The following PTTG1IP2 variants were observed in gnomAD, a reference collection of about 807,000 sequenced individuals.
PTTG1IP2 encodes the protein PTTG1IP family member 2.
At chr7:90,502,275 G>A (rs1288017285) in intron 6 of PTTG1IP2, among the ~76,000 whole-genome samples, 1 of 152,172 alleles carries the variant, frequency 6.6e-6, no homozygotes, top group African/African-American at 2.4e-5. Flanking sequence ...AGCTTCCCAA[G>A]TAGCTGGGAT....
chr7:90,470,963 CAA>C (rs5885726), intron 1 of PTTG1IP2, among the ~76,000 whole-genome samples: 3,361 of 108,088 alleles, frequency 0.031, 114 homozygotes, highest in East Asian at 0.16. Context: ...TGATGAAGAA[CAA>C]AAAAAAAAAA....
chr7:90,485,674 C>G (rs1224900749), intron 2 of PTTG1IP2, among the ~76,000 whole-genome samples: 1 of 152,098 alleles, frequency 6.6e-6, no homozygotes, highest in Non-Finnish European at 1.5e-5. Flanking sequence ...TCTCTGAGCC[C>G]CAACCAGAGA....
At chr7:90,512,228 C>T (rs1798198429) in intron 6 of PTTG1IP2, among the ~76,000 whole-genome samples, 1 of 152,162 alleles carries the variant, frequency 6.6e-6, no homozygotes, top group Non-Finnish European at 1.5e-5. Context: ...GCGATGCTCT[C>T]TGCCCTTGTG....
chr7:90,477,397 C>T (rs1005778571), intron 1 of PTTG1IP2, among the ~76,000 whole-genome samples: 1 of 152,150 alleles, frequency 6.6e-6, no homozygotes, highest in Non-Finnish European at 1.5e-5. Context: ...TACAAATGCT[C>T]AATCTAAACC....
chr7:90,486,116 G>A (rs937478000), intron 2 of PTTG1IP2, among the ~76,000 whole-genome samples: 2 of 152,278 alleles, frequency 1.3e-5, no homozygotes, highest in East Asian at 1.9e-4. Flanking sequence ...CTAAGGGGTG[G>A]TTCTTTACAT....
intron 6 of PTTG1IP2, among the ~76,000 whole-genome samples, chr7:90,499,059 C>A (rs753347038): frequency 6.6e-6 from 1 of 152,060 alleles, no homozygotes; most frequent in East Asian, 1.9e-4. Flanking sequence ...ACTATATTGC[C>A]CAGGCTGGTC....
chr7:90,509,471 A>G (rs1798160846), intron 6 of PTTG1IP2, among the ~76,000 whole-genome samples: 1 of 151,724 alleles, frequency 6.6e-6, no homozygotes, highest in Non-Finnish European at 1.5e-5. Context: ...CTGTTAATAT[A>G]AAGGAGGAAA....
At chr7:90,501,187 T>C (rs2116111104) in intron 6 of PTTG1IP2, among the ~76,000 whole-genome samples, 1 of 152,280 alleles carries the variant, frequency 6.6e-6, no homozygotes, top group East Asian at 1.9e-4. Context: ...GTAAACATAA[T>C]ATTTACTAGA....
chr7:90,504,831 A>G (rs959061402), intron 6 of PTTG1IP2, among the ~76,000 whole-genome samples: 10 of 152,256 alleles, frequency 6.6e-5, no homozygotes, highest in African/African-American at 1.9e-4. Flanking sequence ...TTATGTGTGC[A>G]CAACAGTCTT....
At chr7:90,489,266 C>A (rs1415456205) in intron 4 of PTTG1IP2, among the ~76,000 whole-genome samples, 2 of 151,554 alleles carry the variant, frequency 1.3e-5, no homozygotes, top group East Asian at 3.9e-4. Flanking sequence ...GTTATGTTTT[C>A]TTTTCATGAT....
chr7:90,489,687 A>G (rs1797917134), intron 4 of PTTG1IP2, among the ~76,000 whole-genome samples: 1 of 151,922 alleles, frequency 6.6e-6, no homozygotes, highest in African/African-American at 2.4e-5. Context: ...GTTAACTACT[A>G]AAAAGGATAA....
rs533508385 is a variant in PTTG1IP2 at position 90,475,956 on chromosome 7, A to G, written c.146-3272A>G. Among the ~76,000 whole-genome samples the G allele has an allele frequency of 1.4e-4, 21 of 152,184 alleles. No individual in the cohort carries two copies. In the South Asian group the frequency reaches 2.7e-3, roughly 20 times the overall value. On this transcript the variant is annotated intron_variant, in intron 1 of 6. Transcript: ENST00000509356. Reference sequence around the variant, plus strand: ...CTCTGTCTCAAAAAAAAAAAAAAGAAAAAGAAAAATATCTTTAAAGTTTTG... The same window carrying G: ...CTCTGTCTCAAAAAAAAAAAAAAGAGAAAGAAAAATATCTTTAAAGTTTTG...
chr7:90,475,969 C>G (rs1222347261), intron 1 of PTTG1IP2, among the ~76,000 whole-genome samples: 1 of 151,166 alleles, frequency 6.6e-6, no homozygotes, highest in Non-Finnish European at 1.5e-5. Flanking sequence ...AGAAAAATAT[C>G]TTTAAAGTTT....
At chr7:90,491,522 C>T (rs569339989) in intron 4 of PTTG1IP2, among the ~76,000 whole-genome samples, 1 of 151,888 alleles carries the variant, frequency 6.6e-6, no homozygotes, top group African/African-American at 2.4e-5. Context: ...ACTCAGGAGG[C>T]CAAGGCAGGA....
At chr7:90,506,287 G>A (rs1798124538) in intron 6 of PTTG1IP2, among the ~76,000 whole-genome samples, 1 of 151,818 alleles carries the variant, frequency 6.6e-6, no homozygotes. Flanking sequence ...TAAATCGGGA[G>A]CATTGGTAAA....
At chr7:90,494,568 A>G (rs1163943110) in intron 6 of PTTG1IP2, 138 bp downstream of exon 6, 7 of 152,202 alleles carry the variant, frequency 4.6e-5, no homozygotes, top group African/African-American at 1.7e-4. Context: ...CAGATTTTCA[A>G]TGCCCAAAAC....
chr7:90,499,625 T>G (rs772502181), intron 6 of PTTG1IP2, among the ~76,000 whole-genome samples: 2 of 152,112 alleles, frequency 1.3e-5, no homozygotes, highest in Non-Finnish European at 2.9e-5. Context: ...GCTCTGTTGC[T>G]GAGGCTGGAG....
At chr7:90,495,108 A>T (rs1471474345) in intron 6 of PTTG1IP2, among the ~76,000 whole-genome samples, 2 of 152,162 alleles carry the variant, frequency 1.3e-5, no homozygotes, top group Non-Finnish European at 2.9e-5. Flanking sequence ...TGGGCTATCC[A>T]TTTACTAAGT....
chr7:90,478,178 A>G (rs1299496288), intron 1 of PTTG1IP2, among the ~76,000 whole-genome samples: 1 of 152,066 alleles, frequency 6.6e-6, no homozygotes, highest in Non-Finnish European at 1.5e-5. Context: ...TAGAATCTTC[A>G]CAATTTTTCT....
Sources: gnomAD v4.1 joint callset for allele counts (sites outside exome capture counted in the v4.1 genomes callset) on GRCh38, gnomAD v4.1.1 for gene constraint, MANE v1.5 for transcripts, NCBI Gene and HGNC (gene_info 2026-07-23, HGNC 2026-07-21) for gene names.